TBC1D19: variants seen among roughly 807,000 people sequenced by gnomAD.
TBC1D19 encodes TBC1 domain family member 19.
Under a neutral mutation model 89.0 loss-of-function variants are expected in TBC1D19, and 60 were observed. The observed-to-expected ratio is 0.67, with a 90% CI of 0.55 to 0.84. The LOEUF (loss-of-function observed/expected upper bound fraction) is 0.84, where lower values mean the gene tolerates loss of function less well. Among genes scored for constraint, TBC1D19 ranks in the 40% least tolerant of loss-of-function variants. The pLI is 0.00. For missense variants in TBC1D19, 500 were observed against 610.8 expected (o/e 0.82, Z 1.91); for synonymous variants, 189 against 199.7 (o/e 0.95, Z 0.45).
intron 8 of TBC1D19, among the ~76,000 whole-genome samples, chr4:26,661,828 C>T (rs1745239740): frequency 6.6e-6 from 1 of 152,140 alleles, no homozygotes; most frequent in African/African-American, 2.4e-5. Flanking sequence ...AATGCTACTT[C>T]CCAACCCTCA....
intron 4 of TBC1D19, among the ~76,000 whole-genome samples, chr4:26,633,300 C>G (rs892822058): frequency 6.6e-6 from 1 of 152,082 alleles, no homozygotes; most frequent in Non-Finnish European, 1.5e-5. Flanking sequence ...TGACCCAGAC[C>G]AAGAGGCTGA....
At chr4:26,747,305 A>G (rs1718704776) in intron 18 of TBC1D19, among the ~76,000 whole-genome samples, 1 of 152,160 alleles carries the variant, frequency 6.6e-6, no homozygotes, top group African/African-American at 2.4e-5. Flanking sequence ...TTTGACTTTA[A>G]ATTCAAATGT....
chr4:26,615,261 T>TA (rs772366892), intron 3 of TBC1D19, among the ~76,000 whole-genome samples: 19 of 151,900 alleles, frequency 1.3e-4, no homozygotes, highest in Non-Finnish European at 2.5e-4. Context: ...GTTTGCCATT[T>TA]AAAAAAAATG....
chr4:26,579,756 G>C (rs918315999), upstream of TBC1D19, among the ~76,000 whole-genome samples: 1 of 145,860 alleles, frequency 6.9e-6, no homozygotes, highest in South Asian at 2.1e-4. Flanking sequence ...AAGAACATAC[G>C]GTGTTTGGTT....
chr4:26,624,221 C>T (rs1331922147), intron 4 of TBC1D19, among the ~76,000 whole-genome samples: 1 of 152,136 alleles, frequency 6.6e-6, no homozygotes, highest in Admixed American at 6.6e-5. Context: ...AAAGTCCTAT[C>T]TATTTTGTGA....
At chr4:26,594,720 T>C (rs914244897) in intron 1 of TBC1D19, among the ~76,000 whole-genome samples, 4 of 152,204 alleles carry the variant, frequency 2.6e-5, no homozygotes, top group African/African-American at 9.6e-5. Context: ...CTTAACTCTT[T>C]GTTCAGGGCT....
intron 1 of TBC1D19, among the ~76,000 whole-genome samples, chr4:26,598,427 C>T (rs1171263936): frequency 6.6e-6 from 1 of 151,916 alleles, no homozygotes; most frequent in Non-Finnish European, 1.5e-5. Flanking sequence ...CGGAGTCTTG[C>T]TCTGTCGCCC....
the TBC1D19 span, among the ~76,000 whole-genome samples, chr4:26,782,733 T>C: frequency 3.3e-5 from 5 of 152,040 alleles, no homozygotes; most frequent in African/African-American, 1.2e-4. Context: ...ATTAAAAACA[T>C]TGACTTTTTT....
the TBC1D19 span, among the ~76,000 whole-genome samples, chr4:26,830,535 T>A: frequency 0.015 from 2,247 of 152,046 alleles, 93 homozygotes; most frequent in East Asian, 0.15. Context: ...ATTTCTGGGA[T>A]TTTTTTCCCG....
intron 6 of TBC1D19, 28 bp downstream of exon 6, chr4:26,638,862 G>A: frequency 1.9e-6 from 3 of 1,542,406 alleles, no homozygotes; most frequent in South Asian, 1.2e-5. Context: ...TCTGAATGTA[G>A]TAGTGGAAAA....
exon 1 of TBC1D19, chr4:26,576,699 C>T (rs996548169): frequency 4.4e-6 from 2 of 455,688 alleles, no homozygotes; most frequent in African/African-American, 4.0e-5. Context: ...AATTCACGGA[C>T]AGAAGAACAA....
intron 7 of TBC1D19, among the ~76,000 whole-genome samples, chr4:26,646,466 A>G (rs1458586552): frequency 1.3e-5 from 2 of 152,216 alleles, no homozygotes; most frequent in East Asian, 1.9e-4. Context: ...TACTGGGTAT[A>G]TACCCAAAGA....
the TBC1D19 span, among the ~76,000 whole-genome samples, chr4:26,813,878 G>A: frequency 6.6e-6 from 1 of 152,080 alleles, no homozygotes; most frequent in Non-Finnish European, 1.5e-5. Flanking sequence ...CCGGGAGAAC[G>A]GTAAGCTGGG....
chr4:26,831,792 C>T, the TBC1D19 span, among the ~76,000 whole-genome samples: 77 of 152,038 alleles, frequency 5.1e-4, no homozygotes, highest in African/African-American at 1.6e-3. Flanking sequence ...GGGGTTTTAC[C>T]GTGTTAGCCA....
At chr4:26,753,055 C>T (rs1719061555) in intron 19 of TBC1D19, among the ~76,000 whole-genome samples, 1 of 151,978 alleles carries the variant, frequency 6.6e-6, no homozygotes, top group Non-Finnish European at 1.5e-5. Flanking sequence ...TTCCTGTAGC[C>T]AACATTATAT....
At chr4:26,769,436 G>A in the TBC1D19 span, among the ~76,000 whole-genome samples, 1 of 152,004 alleles carries the variant, frequency 6.6e-6, no homozygotes, top group East Asian at 1.9e-4. Flanking sequence ...AAAATAAACA[G>A]TGTAAAGCAA....
At chr4:26,821,503 C>T in the TBC1D19 span, among the ~76,000 whole-genome samples, 1 of 152,170 alleles carries the variant, frequency 6.6e-6, no homozygotes, top group Non-Finnish European at 1.5e-5. Context: ...TTGTAGTACT[C>T]CTTGTGTGTT....
At chr4:26,672,284 G>T in intron 10 of TBC1D19, 97 bp downstream of exon 10, 1 of 1,011,008 alleles carries the variant, frequency 9.9e-7, no homozygotes, top group Non-Finnish European at 1.3e-6. Flanking sequence ...TTTAATCTCT[G>T]AAAAGTGAAA....
chr4:26,683,151 A>G (rs1265293868), intron 11 of TBC1D19, among the ~76,000 whole-genome samples: 1 of 152,130 alleles, frequency 6.6e-6, no homozygotes, highest in African/African-American at 2.4e-5. Context: ...ATTTTGTAAT[A>G]ATTTAGATAT....
Sources: gnomAD v4.1 joint callset for allele counts (sites outside exome capture counted in the v4.1 genomes callset) on GRCh38, gnomAD v4.1.1 for gene constraint, MANE v1.5 for transcripts, NCBI Gene and HGNC (gene_info 2026-07-23, HGNC 2026-07-21) for gene names.